Variants in ESR1 observed in about 807,000 individuals in gnomAD.
ESR1 encodes estrogen receptor.
ESR1 carries 12 observed loss-of-function variants against 52.7 expected under a neutral mutation model. That is an observed-to-expected ratio of 0.23 (90% CI 0.15 to 0.37). The LOEUF (loss-of-function observed/expected upper bound fraction) is 0.37, where lower values mean the gene tolerates loss of function less well. Ranked by LOEUF, ESR1 falls within the 10% of genes least tolerant of loss-of-function variation. ESR1 has a pLI of 1.00. For synonymous variants in ESR1, 305 were observed against 316.8 expected, an observed-to-expected ratio of 0.96 and a Z score of 0.39; for missense variants, 584 against 779.7, an observed-to-expected ratio of 0.75 and a Z score of 2.99.
intron 7 of ESR1, among the ~76,000 whole-genome samples, chr6:152,096,955 C>A (rs1354978680): frequency 1.3e-5 from 2 of 152,156 alleles, no homozygotes; most frequent in Admixed American, 6.6e-5. Context: ...ATTTTCAAAT[C>A]CATTAACTGC....
In ESR1 at chr6:151,858,305, G is replaced by GTAAA. The variant is rs1788243870; in HGVS notation, c.643+15518_643+15519insTAAA. Among the ~76,000 whole-genome samples the GTAAA allele has an allele frequency of 2.0e-5, 3 of 152,322 alleles. No individual in the cohort carries two copies. In the South Asian group the frequency reaches 6.2e-4, roughly 32 times the overall value. On this transcript the variant is annotated intron_variant, in intron 2 of 7. Transcript: ENST00000206249. ...AGGAATCTAGGTCTTTACAGCTGCT[G>GTAAA]GCCTGACCAGCAAGGGTAAAATATT...
chr6:151,735,522 C>T (rs150037745), intron 2 of ESR1, among the ~76,000 whole-genome samples: 43 of 152,142 alleles, frequency 2.8e-4, no homozygotes, highest in Admixed American at 2.5e-3. Context: ...GATAATATTT[C>T]GGAAGTCTTG....
chr6:152,110,414 A>G (rs529785971), intron 6 of ESR1, among the ~76,000 whole-genome samples: 13 of 152,324 alleles, frequency 8.5e-5, no homozygotes, highest in Non-Finnish European at 1.9e-4. Flanking sequence ...TCCTTAGCAA[A>G]CTAATGCAGG....
At chr6:152,039,044 TAAG>T (rs1340055289) in intron 5 of ESR1, among the ~76,000 whole-genome samples, 1 of 152,174 alleles carries the variant, frequency 6.6e-6, no homozygotes, top group East Asian at 1.9e-4. Context: ...CTTAACAAAA[TAAG>T]GAGGAAATAC....
intron 2 of ESR1, among the ~76,000 whole-genome samples, chr6:151,708,464 T>C (rs1187439822): frequency 6.6e-6 from 1 of 152,138 alleles, no homozygotes; most frequent in African/African-American, 2.4e-5. Context: ...GTTTAAAAGG[T>C]ATGTGTATTT....
chr6:151,945,542 C>T (rs1258548229), intron 4 of ESR1, among the ~76,000 whole-genome samples: 1 of 152,166 alleles, frequency 6.6e-6, no homozygotes, highest in Non-Finnish European at 1.5e-5. Flanking sequence ...AAATGACTTT[C>T]TCCCTGCCCC....
intron 4 of ESR1, among the ~76,000 whole-genome samples, chr6:151,989,036 C>T (rs184486659): frequency 1.2e-4 from 18 of 152,130 alleles, no homozygotes; most frequent in African/African-American, 3.9e-4. Flanking sequence ...CTGGATCTTC[C>T]GCTCCACAAA....
At chr6:151,869,492 T>C (rs1790567726) in intron 2 of ESR1, among the ~76,000 whole-genome samples, 1 of 152,028 alleles carries the variant, frequency 6.6e-6, no homozygotes, top group Admixed American at 6.6e-5. Flanking sequence ...GGTATTACAA[T>C]GAGATGGTGG....
chr6:151,995,878 G>A (rs1442615549), intron 4 of ESR1, among the ~76,000 whole-genome samples: 1 of 152,124 alleles, frequency 6.6e-6, no homozygotes, highest in East Asian at 1.9e-4. Flanking sequence ...ATAACCCTAT[G>A]AGGAAAGTGC....
rs546640255 is a variant in ESR1 at position 151,869,617 on chromosome 6, A to C, written c.644-11038A>C. 3.3e-5 allele frequency among the ~76,000 whole-genome samples: 5 copies of C among 152,292 alleles called. No individual in the cohort carries two copies. The East Asian group carries it at 9.7e-4, about 29-fold the overall frequency. ...AGTTAGAGGTTGGACAAAAAAAGGGATCATGTCACTGCCCTGGCCAAAATT... is the reference window on the plus strand; with the variant it reads ...AGTTAGAGGTTGGACAAAAAAAGGGCTCATGTCACTGCCCTGGCCAAAATT... On this transcript the variant is annotated intron_variant, in intron 2 of 7. Transcript: ENST00000206249.
At chr6:151,696,305 T>C (rs1396022828) in intron 1 of ESR1, among the ~76,000 whole-genome samples, 1 of 151,886 alleles carries the variant, frequency 6.6e-6, no homozygotes, top group East Asian at 1.9e-4. Context: ...ATGCTATCTC[T>C]ACTAAAAATA....
At chr6:151,902,035 A>G (rs749287142) in intron 3 of ESR1, among the ~76,000 whole-genome samples, 6 of 152,204 alleles carry the variant, frequency 3.9e-5, no homozygotes, top group Non-Finnish European at 5.9e-5. Flanking sequence ...AAAATTTTAC[A>G]TAACAAATGC....
intron 2 of ESR1, among the ~76,000 whole-genome samples, chr6:151,796,894 G>A (rs571992199): frequency 1.3e-4 from 20 of 152,280 alleles, no homozygotes; most frequent in Middle Eastern, 3.4e-3. Context: ...ACCTAGCTCC[G>A]AAAGAGGCCG....
In ESR1 at chr6:152,100,278, A is replaced by T. The variant is rs1036985250; in HGVS notation, c.*1312A>T. ...TACAATTGGCCCAGCACCCTGGGGC[A>T]CGGGAGAAGGGTGGGGACCGTTGCT... is the stretch of plus-strand genomic sequence containing the variant. On this transcript the variant is annotated 3_prime_UTR_variant, in exon 8 of 8. Transcript: ENST00000206249. The T allele has an allele frequency of 1.0e-5, 4 of 393,502 alleles. No homozygotes were observed. Among genetic ancestry groups the T allele is most frequent in the African/African-American group, 6.2e-5 (3 of 48,548 alleles). 24.4% of individuals were successfully genotyped at this position (393,502 alleles called of 1,614,324 possible). A position where few individuals can be genotyped will look rare whatever the true frequency, so the allele number is the denominator to read the frequency against.
intron 5 of ESR1, among the ~76,000 whole-genome samples, chr6:152,057,716 C>CAA (rs1462105717): frequency 3.3e-5 from 5 of 151,884 alleles, no homozygotes; most frequent in Non-Finnish European, 1.5e-5. Flanking sequence ...CACACACACA[C>CAA]ACACACACAC....
chr6:152,096,820 C>A, intron 7 of ESR1: 1 of 354,096 alleles, frequency 2.8e-6, no homozygotes, highest in Non-Finnish European at 5.8e-6. Context: ...AAATCCCTGG[C>A]TGAGAGAATA....
chr6:152,069,917 A>C lies in ESR1; in HGVS notation c.1369+8793A>C, dbSNP rs148918591. Reference sequence around the variant, plus strand: ...TTAGCTGTGTTTCTATTCAAAGCTTATGCTTTTGTTTAAAACCTAGTAATT... The same window carrying C: ...TTAGCTGTGTTTCTATTCAAAGCTTCTGCTTTTGTTTAAAACCTAGTAATT... On this transcript the variant is annotated intron_variant, in intron 6 of 7. Transcript: ENST00000206249. 1.0e-4 allele frequency among the ~76,000 whole-genome samples: 14 copies of C among 137,584 alleles called. 3 individuals are homozygous for C. The highest frequency in any genetic ancestry group is 4.2e-4 in the African/African-American group (13 of 31,008). The allele number at this position is 137,584 out of a possible 152,430, so 90.3% of individuals were successfully genotyped here. A position where few individuals can be genotyped will look rare whatever the true frequency, so the allele number is the denominator to read the frequency against.
At chr6:152,116,763 T>C (rs1305741324) in intron 6 of ESR1, among the ~76,000 whole-genome samples, 5 of 151,600 alleles carry the variant, frequency 3.3e-5, no homozygotes, top group Non-Finnish European at 7.4e-5. Context: ...ATTTTGTTTT[T>C]ATATTATACA....
chr6:151,850,395 GAGAGA>G (rs1290281177), intron 2 of ESR1, among the ~76,000 whole-genome samples: 1 of 150,608 alleles, frequency 6.6e-6, no homozygotes, highest in African/African-American at 2.4e-5. Context: ...GAGAGAGAGA[GAGAGA>G]AGAGAGAGAG....
Sources: allele counts gnomAD v4.1 joint callset (sites outside exome capture counted in the v4.1 genomes callset), GRCh38; gene constraint gnomAD v4.1.1; transcripts MANE v1.5; gene names NCBI Gene and HGNC (gene_info 2026-07-23, HGNC 2026-07-21).